The following NNT variants were observed in gnomAD, a reference collection of about 807,000 sequenced individuals.
NNT encodes NAD(P) transhydrogenase, mitochondrial.
A neutral mutation model predicts 104.8 loss-of-function variants in NNT; 50 were observed. The observed-to-expected ratio is 0.48, with a 90% CI of 0.38 to 0.60. The LOEUF is 0.60. Ranked by LOEUF, NNT falls within the 20% of genes least tolerant of loss-of-function variation. The pLI is 0.00. For synonymous variants in NNT, 461 were observed against 490.4 expected (o/e 0.94, Z 0.79); for missense variants, 1,131 against 1,330.7 (o/e 0.85, Z 2.33).
At chr5:43,651,672 T>C (rs1474861223) in intron 12 of NNT, 67 bp from the exon 13 acceptor site, 6 of 1,536,482 alleles carry the variant, frequency 3.9e-6, no homozygotes, top group African/African-American at 2.8e-5. Flanking sequence ...TGTAGCACTT[T>C]AAAAAATCAT....
intron 17 of NNT, among the ~76,000 whole-genome samples, chr5:43,672,901 G>A (rs1741201175): frequency 6.6e-6 from 1 of 152,238 alleles, no homozygotes; most frequent in Non-Finnish European, 1.5e-5. Flanking sequence ...ACAGAGGTAG[G>A]CAGGCTTCCT....
intron 19 of NNT, among the ~76,000 whole-genome samples, chr5:43,691,070 A>AGTGTGTGTGTGT (rs56075202): frequency 2.0e-4 from 28 of 137,502 alleles, no homozygotes; most frequent in African/African-American, 6.0e-4. Context: ...TTTTTGAGAG[A>AGTGTGTGTGTGT]GTGTGTGTGT....
intron 19 of NNT, among the ~76,000 whole-genome samples, chr5:43,685,507 G>A (rs1297525267): frequency 1.3e-5 from 2 of 152,076 alleles, no homozygotes; most frequent in African/African-American, 4.8e-5. Flanking sequence ...AAAATCTGTT[G>A]ATCCTTGTCA....
chr5:43,649,037 G>A (rs1739608337), intron 10 of NNT, 110 bp from the exon 11 acceptor site: 1 of 1,226,882 alleles, frequency 8.2e-7, no homozygotes, highest in African/African-American at 1.5e-5. Context: ...TACTGGCAAG[G>A]GAGTGGAATT....
intron 19 of NNT, among the ~76,000 whole-genome samples, chr5:43,684,517 T>C (rs1173355741): frequency 6.6e-6 from 1 of 152,132 alleles, no homozygotes; most frequent in Non-Finnish European, 1.5e-5. Flanking sequence ...ACCCATCTCA[T>C]TCGTTAGTTT....
At chr5:43,682,358 G>T (rs965656397) in intron 19 of NNT, among the ~76,000 whole-genome samples, 4 of 151,698 alleles carry the variant, frequency 2.6e-5, no homozygotes, top group Non-Finnish European at 2.9e-5. Context: ...TTACAGGCAT[G>T]CGCCACCACG....
intron 19 of NNT, among the ~76,000 whole-genome samples, chr5:43,688,273 C>A (rs186107020): frequency 1.4e-4 from 21 of 152,112 alleles, no homozygotes; most frequent in African/African-American, 5.1e-4. Context: ...GCAGGAGGAT[C>A]AGAGTTAGAG....
chr5:43,686,384 A>G (rs767652549), intron 19 of NNT, among the ~76,000 whole-genome samples: 1 of 152,124 alleles, frequency 6.6e-6, no homozygotes, highest in Non-Finnish European at 1.5e-5. Context: ...GACTGTATCA[A>G]AATAAATGTG....
At position 43,611,044 on chromosome 5, in the gene NNT, C is replaced by T. The variant is rs373892145; in HGVS notation, c.151+1698C>T. ...GTCAGTATTCATATTTTTTCAATTG[C>T]TTTCTTGCTTCTTTCCTTCCTTCTT... On this transcript the variant is annotated intron_variant, in intron 2 of 21. Transcript: ENST00000344920. Among the ~76,000 whole-genome samples, 283 of 151,886 alleles carry T rather than the reference C, an allele frequency of 1.9e-3. 2 individuals carry two copies. Among genetic ancestry groups the T allele is most frequent in the South Asian group, 8.5e-3 (41 of 4,818 alleles).
In NNT at chr5:43,648,073, C is replaced by T. The variant is rs79802434; in HGVS notation, c.1445-1074C>T. The T allele has an allele frequency of 9.2e-3, 11,199 of 1,223,206 alleles. 65 individuals are homozygous for T. Among genetic ancestry groups the T allele is most frequent in the Non-Finnish European group, 0.01 (9,874 of 954,858 alleles). 75.8% of individuals were successfully genotyped at this position (1,223,206 alleles called of 1,614,324 possible). A position where few individuals can be genotyped will look rare whatever the true frequency, so the allele number is the denominator to read the frequency against. On this transcript the variant is annotated intron_variant, in intron 10 of 21. Transcript: ENST00000344920. ...AGAAAACATATTCTTATTCACAACC[C>T]TATGCAACTTCTCTAATTTTTAACT...
chr5:43,622,112 T>G, intron 5 of NNT, among the ~76,000 whole-genome samples: 1 of 152,204 alleles, frequency 6.6e-6, no homozygotes, highest in East Asian at 1.9e-4. Flanking sequence ...AGGCAAGATC[T>G]GTCAGCAATT....
At chr5:43,656,549 C>T (rs1740057260) in intron 15 of NNT, 104 bp from the exon 16 acceptor site, 6 of 1,099,572 alleles carry the variant, frequency 5.5e-6, no homozygotes, top group Admixed American at 5.3e-5. Context: ...ACAGCATCCT[C>T]ATAATCCTTG....
intron 12 of NNT, 146 bp from the exon 13 acceptor site, chr5:43,651,593 A>T: frequency 2.4e-6 from 2 of 837,564 alleles, no homozygotes; most frequent in Non-Finnish European, 3.7e-6. Context: ...AAAAAATTTG[A>T]GGTTGCAAAA....
At chr5:43,623,997 A>ATGAGC in intron 5 of NNT, 35 bp from the exon 6 acceptor site, 3 of 1,591,954 alleles carry the variant, frequency 1.9e-6, no homozygotes. Context: ...TTAGTTGATA[A>ATGAGC]TGAGCCTTAA....
At chr5:43,621,268 T>C (rs1750076771) in intron 5 of NNT, among the ~76,000 whole-genome samples, 1 of 152,256 alleles carries the variant, frequency 6.6e-6, no homozygotes, top group African/African-American at 2.4e-5. Flanking sequence ...TTTTATTTTT[T>C]TGGCTCATCA....
intron 10 of NNT, chr5:43,647,894 C>T: frequency 2.2e-6 from 1 of 456,564 alleles, no homozygotes. Context: ...AAGAATTCAG[C>T]AGTGGGTATA....
At chr5:43,626,120 G>A (rs1454217094) in intron 6 of NNT, among the ~76,000 whole-genome samples, 1 of 151,534 alleles carries the variant, frequency 6.6e-6, no homozygotes, top group East Asian at 1.9e-4. Context: ...CTCTATCCAT[G>A]TTCTATTATC....
At chr5:43,663,457 T>A (rs1453529545) in intron 17 of NNT, among the ~76,000 whole-genome samples, 3 of 152,224 alleles carry the variant, frequency 2.0e-5, no homozygotes, top group African/African-American at 7.2e-5. Context: ...AATACAAGCC[T>A]GTCATATTTT....
At chr5:43,666,854 C>T in intron 17 of NNT, 1 of 1,474,454 alleles carries the variant, frequency 6.8e-7, no homozygotes, top group Non-Finnish European at 9.4e-7. Flanking sequence ...TTGGTTTGAT[C>T]CTTGGCCTTG....
Sources: gnomAD v4.1 joint callset for allele counts (sites outside exome capture counted in the v4.1 genomes callset) on GRCh38, gnomAD v4.1.1 for gene constraint, MANE v1.5 for transcripts, NCBI Gene and HGNC (gene_info 2026-07-23, HGNC 2026-07-21) for gene names.